DMD: variants seen among roughly 807,000 people sequenced by gnomAD.
The protein encoded by DMD is mutant dystrophin.
DMD carries 63 observed loss-of-function variants against 330.1 expected under a neutral mutation model. The observed-to-expected ratio is 0.19, with a 90% confidence interval of 0.16 to 0.24. DMD has a LOEUF of 0.24. Among genes scored for constraint, DMD ranks in the 10% least tolerant of loss-of-function variants. The pLI, the probability that DMD is intolerant of heterozygous loss-of-function variation, is 1.00. For missense variants in DMD, 3,344 were observed against 2,684.1 expected (o/e 1.25, Z -5.43); for synonymous variants, 1,223 against 959.8 (o/e 1.27, Z -5.07).
At position 32,386,451 on chromosome X, in the gene DMD, A is replaced by T; in HGVS notation, c.4533T>A (p.Ser1511Arg). 2 of 1,202,972 alleles carry T rather than the reference A, an allele frequency of 1.7e-6. No homozygotes were observed. Among genetic ancestry groups the T allele is most frequent in the Non-Finnish European group, 2.3e-6 (2 of 888,439 alleles). The change falls in exon 33 of 79, where the codon AGT becomes AGA. Residue 1511 changes from serine to arginine, a missense_variant. Transcript: ENST00000357033. ...CCACTTCAGACTTCACTTCACTCAG[A>T]CTTTTATACAAGTTCTAAGTTTAAA... ...QLNHCVNLYK[S>R]LSEVKSEVEM...
At chrX:31,913,754 CA>C (rs1244521649) in intron 47 of DMD, among the ~76,000 whole-genome samples, 2 of 109,832 alleles carry the variant, frequency 1.8e-5, no homozygotes, top group East Asian at 5.8e-4. Flanking sequence ...CAAAACAAAA[CA>C]AAACAAAACA....
intron 2 of DMD, among the ~76,000 whole-genome samples, chrX:32,956,385 C>T (rs1472484594): frequency 9.0e-6 from 1 of 111,489 alleles, no homozygotes; most frequent in Non-Finnish European, 1.9e-5. Context: ...ATCTTTCACC[C>T]CTCTAGTTAG....
chrX:31,900,067 A>C (rs1383164276), intron 47 of DMD, among the ~76,000 whole-genome samples: 1 of 112,049 alleles, frequency 8.9e-6, no homozygotes, highest in Non-Finnish European at 1.9e-5. Flanking sequence ...TCGGTGTAAC[A>C]GTGTGCATTA....
chrX:32,141,014 T>C (rs773137769), intron 44 of DMD, among the ~76,000 whole-genome samples: 1 of 111,728 alleles, frequency 9.0e-6, no homozygotes, highest in East Asian at 2.8e-4. Flanking sequence ...GTTTATGTTT[T>C]TGAGAAGTTT....
intron 44 of DMD, among the ~76,000 whole-genome samples, chrX:32,123,668 T>C (rs2096648901): frequency 8.9e-6 from 1 of 112,047 alleles, no homozygotes; most frequent in African/African-American, 3.2e-5. Flanking sequence ...CTTTATCTTA[T>C]AGAGTTGTCT....
intron 59 of DMD, among the ~76,000 whole-genome samples, chrX:31,475,616 G>T (rs1374380782): frequency 9.0e-6 from 1 of 111,315 alleles, no homozygotes; most frequent in Non-Finnish European, 1.9e-5. Context: ...CTATATTTTT[G>T]AATAAAATCA....
At chrX:32,804,595 G>C (rs1433108581) in intron 7 of DMD, among the ~76,000 whole-genome samples, 2 of 112,647 alleles carry the variant, frequency 1.8e-5, no homozygotes, top group Non-Finnish European at 3.8e-5. Flanking sequence ...GAGAGCAGCA[G>C]ATCTCCCAGC....
At position 32,816,485 on chromosome X, in the gene DMD, A is replaced by T. The variant is rs1489128647; in HGVS notation, c.513T>A (p.Ala171=). The T allele has an allele frequency of 8.3e-7, 1 of 1,209,687 alleles. No homozygotes were observed. Among genetic ancestry groups the T allele is most frequent in the Non-Finnish European group, 1.1e-6 (1 of 894,979 alleles). ...TSWSDGLALN[A]LIHSHRPDLF... ...CTTCTTACCTATGACTATGGATGAG[A>T]GCATTCAAAGCCAGGCCATCAGACC... is the stretch of plus-strand genomic sequence containing the variant. Residue 171 remains alanine (A), a synonymous_variant, in exon 6 of 79, where the codon GCT becomes GCA. Coordinates refer to ENST00000357033, the MANE Select transcript of DMD (RefSeq NM_004006.3).
chrX:32,545,837 C>T (rs1431394025), intron 16 of DMD, among the ~76,000 whole-genome samples: 7 of 110,241 alleles, frequency 6.3e-5, no homozygotes, highest in Non-Finnish European at 1.3e-4. Context: ...TGGTAATGAA[C>T]GACTCTTTAA....
At chrX:32,868,904 G>A (rs771211075) in intron 2 of DMD, among the ~76,000 whole-genome samples, 1 of 112,136 alleles carries the variant, frequency 8.9e-6, no homozygotes, top group Non-Finnish European at 1.9e-5. Flanking sequence ...GGCAGCCAGA[G>A]TGCTTCCTTA....
At chrX:32,857,969 C>T (rs1469631361) in intron 2 of DMD, among the ~76,000 whole-genome samples, 1 of 107,329 alleles carries the variant, frequency 9.3e-6, no homozygotes, top group Non-Finnish European at 1.9e-5. Flanking sequence ...GTAGGGGATT[C>T]CATGTACACC....
chrX:31,172,426 G>A lies in DMD; in HGVS notation c.10329-13C>T, dbSNP rs1166077482. On this transcript the variant is annotated splice_polypyrimidine_tract_variant and intron_variant, in intron 72 of 78. Coordinates refer to ENST00000357033, the MANE Select transcript of DMD (RefSeq NM_004006.3). ...CATTTCTGCTAGCCTGATAAAAAAC[G>A]TAAAAGCTCATTAAAACTTATGTGA... 8.6e-7 allele frequency: 1 copy of A among 1,167,578 alleles called. No homozygotes were observed. Among genetic ancestry groups the A allele is most frequent in the Non-Finnish European group, 1.2e-6 (1 of 856,459 alleles).
intron 60 of DMD, among the ~76,000 whole-genome samples, chrX:31,405,932 A>G (rs760560229): frequency 8.9e-6 from 1 of 112,195 alleles, no homozygotes; most frequent in South Asian, 3.7e-4. Context: ...AATGACAGAT[A>G]TAAAGGTTTT....
chrX:31,989,869 C>T lies in DMD; in HGVS notation c.6439-21355G>A, dbSNP rs916239853. The stretch of plus-strand genomic sequence containing the variant: ...GTTGGTTTGTTACAAGGGTATACTG[C>T]GTGATGCTGAGGTTTGGGCTTCTGT... On this transcript the variant is annotated intron_variant, in intron 44 of 78. Coordinates refer to ENST00000357033, the MANE Select transcript of DMD (RefSeq NM_004006.3). Among the ~76,000 whole-genome samples the T allele has an allele frequency of 8.1e-5, 9 of 110,801 alleles. 1 individual carries two copies. The highest frequency in any genetic ancestry group is 6.7e-4 in the Admixed American group (7 of 10,408).
At chrX:33,221,425 A>C (rs762014907) in intron 1 of DMD, among the ~76,000 whole-genome samples, 50 of 111,649 alleles carry the variant, frequency 4.5e-4, no homozygotes, top group African/African-American at 1.5e-3. Flanking sequence ...TAAATTAAGC[A>C]TTGCGTTTTA....
intron 16 of DMD, among the ~76,000 whole-genome samples, chrX:32,554,902 A>G (rs1437084015): frequency 3.3e-5 from 1 of 30,576 alleles, no homozygotes; most frequent in African/African-American, 2.0e-4. Context: ...AGAAAGAAAG[A>G]AAGAAAGAAA....
At chrX:31,825,604 A>G (rs1055284276) in intron 49 of DMD, among the ~76,000 whole-genome samples, 24 of 112,035 alleles carry the variant, frequency 2.1e-4, no homozygotes, top group African/African-American at 7.5e-4. Flanking sequence ...TATTTATCTT[A>G]CAGTCTAGCT....
chrX:32,475,135 T>C (rs1190178435), intron 21 of DMD, among the ~76,000 whole-genome samples: 1 of 111,273 alleles, frequency 9.0e-6, no homozygotes, highest in Non-Finnish European at 1.9e-5. Flanking sequence ...CTGTATGTTT[T>C]TGTTTGCTTT....
chrX:31,713,452 A>G (rs1427089877), intron 52 of DMD, among the ~76,000 whole-genome samples: 1 of 111,418 alleles, frequency 9.0e-6, no homozygotes, highest in African/African-American at 3.3e-5. Flanking sequence ...TTTATATCCA[A>G]GTTATTGTTG....
Sources: allele counts gnomAD v4.1 joint callset (sites outside exome capture counted in the v4.1 genomes callset), GRCh38; gene constraint gnomAD v4.1.1; transcripts MANE v1.5; gene names NCBI Gene and HGNC (gene_info 2026-07-23, HGNC 2026-07-21).